CTDSPL2: variants seen among roughly 807,000 people sequenced by gnomAD.
The protein encoded by CTDSPL2 is CTD small phosphatase-like protein 2.
In CTDSPL2, 5 loss-of-function variants were observed where a neutral mutation model predicts 60.0. The ratio of observed to expected loss-of-function variants is 0.08; its 90% CI spans 0.04 to 0.18. The LOEUF (loss-of-function observed/expected upper bound fraction) is 0.18. CTDSPL2 is among the 10% of genes least tolerant of loss of function. CTDSPL2 has a pLI of 1.00. For missense variants in CTDSPL2, 370 were observed against 548.8 expected (o/e 0.67, Z 3.26); for synonymous variants, 186 against 189.3 (o/e 0.98, Z 0.14).
chr15:44,517,312 C>T (rs1410019207), intron 10 of CTDSPL2: 1 of 150,076 alleles, frequency 6.7e-6, no homozygotes, highest in Non-Finnish European at 1.5e-5. Flanking sequence ...AGTTCAAGAC[C>T]AGCCTGGCCA....
intron 2 of CTDSPL2, among the ~76,000 whole-genome samples, chr15:44,461,178 T>G (rs919915092): frequency 2.0e-5 from 3 of 152,208 alleles, no homozygotes; most frequent in African/African-American, 7.2e-5. Flanking sequence ...GATAGGTTTT[T>G]GTTATGTCTT....
intron 2 of CTDSPL2, among the ~76,000 whole-genome samples, chr15:44,479,407 C>CTTTTTTTTTTTTT (rs11414036): frequency 5.1e-5 from 5 of 97,892 alleles, no homozygotes; most frequent in South Asian, 3.6e-4. Context: ...ATTTTCTTTC[C>CTTTTTTTTTTTTT]TTTTTTTTTT....
At chr15:44,488,523 A>G (rs1342110526) in intron 4 of CTDSPL2, among the ~76,000 whole-genome samples, 2 of 152,192 alleles carry the variant, frequency 1.3e-5, no homozygotes, top group Non-Finnish European at 1.5e-5. Flanking sequence ...TTAAATAAAA[A>G]TATTCAGGCT....
At chr15:44,473,746 T>C (rs1314747639) in intron 2 of CTDSPL2, among the ~76,000 whole-genome samples, 1 of 152,244 alleles carries the variant, frequency 6.6e-6, no homozygotes, top group East Asian at 1.9e-4. Flanking sequence ...GAAGACACTT[T>C]TTAACTTTTG....
intron 1 of CTDSPL2, among the ~76,000 whole-genome samples, chr15:44,456,871 TTTTTTTG>T (rs2080456394): frequency 2.0e-5 from 3 of 148,194 alleles, no homozygotes; most frequent in Admixed American, 6.6e-5. Context: ...TTTTTCTTTT[TTTTTTTG>T]TTTTTTTTTC....
intron 8 of CTDSPL2, among the ~76,000 whole-genome samples, chr15:44,501,316 A>C (rs2081378119): frequency 6.6e-6 from 1 of 152,120 alleles, no homozygotes; most frequent in Non-Finnish European, 1.5e-5. Flanking sequence ...TTTGAAATTG[A>C]AATTTATTTC....
At chr15:44,451,825 TA>T (rs1387124573) in intron 1 of CTDSPL2, among the ~76,000 whole-genome samples, 1 of 152,202 alleles carries the variant, frequency 6.6e-6, no homozygotes, top group Non-Finnish European at 1.5e-5. Context: ...TTTTTCTTTT[TA>T]AATATTTTTG....
intron 1 of CTDSPL2, among the ~76,000 whole-genome samples, chr15:44,444,609 G>A (rs1267450704): frequency 4.0e-5 from 6 of 151,864 alleles, no homozygotes; most frequent in Admixed American, 3.3e-4. Context: ...GCCTCCCAAA[G>A]TACTGAGATT....
intron 8 of CTDSPL2, among the ~76,000 whole-genome samples, chr15:44,505,433 G>A (rs1448409634): frequency 1.3e-5 from 2 of 150,998 alleles, no homozygotes; most frequent in African/African-American, 4.9e-5. Flanking sequence ...AGAAAAAAAA[G>A]AAGGAGAAAA....
At chr15:44,457,916 T>C (rs2140691526) in intron 1 of CTDSPL2, among the ~76,000 whole-genome samples, 1 of 152,338 alleles carries the variant, frequency 6.6e-6, no homozygotes, top group African/African-American at 2.4e-5. Flanking sequence ...GCCCAGCCTG[T>C]AGTTTCTATT....
At chr15:44,465,489 T>C (rs552934560) in intron 2 of CTDSPL2, among the ~76,000 whole-genome samples, 79 of 152,152 alleles carry the variant, frequency 5.2e-4, no homozygotes, top group Non-Finnish European at 1.1e-3. Context: ...GCTAATACTT[T>C]CATGTGAAAC....
chr15:44,429,442 T>C (rs2141243958), intron 1 of CTDSPL2, among the ~76,000 whole-genome samples: 1 of 152,324 alleles, frequency 6.6e-6, no homozygotes, highest in Admixed American at 6.5e-5. Context: ...AGCGTTAATG[T>C]TTTTAATAAA....
At chr15:44,440,192 T>C (rs1272371346) in intron 1 of CTDSPL2, among the ~76,000 whole-genome samples, 1 of 148,748 alleles carries the variant, frequency 6.7e-6, no homozygotes, top group Non-Finnish European at 1.5e-5. Context: ...TGTTTGTTTG[T>C]TTTTGTGTTT....
At chr15:44,514,104 G>A (rs768424090) in intron 8 of CTDSPL2, among the ~76,000 whole-genome samples, 3 of 152,158 alleles carry the variant, frequency 2.0e-5, no homozygotes, top group South Asian at 2.1e-4. Flanking sequence ...CAATCCAGAC[G>A]TCTCCTTTTG....
intron 1 of CTDSPL2, among the ~76,000 whole-genome samples, chr15:44,428,736 CTG>C (rs1396999079): frequency 5.3e-5 from 8 of 152,202 alleles, no homozygotes; most frequent in Non-Finnish European, 8.8e-5. Flanking sequence ...ATGGATTTAT[CTG>C]TGTAATTTTC....
rs150524105 is a variant in CTDSPL2 at position 44,445,046 on chromosome 15, G to A, written c.-24-13945G>A. Among the ~76,000 whole-genome samples the A allele has an allele frequency of 3.0e-3, 459 of 151,404 alleles. 1 individual carries two copies. The highest frequency in any genetic ancestry group is 0.011 in the African/African-American group (449 of 41,264). On this transcript the variant is annotated intron_variant, in intron 1 of 12. Coordinates refer to ENST00000260327, the MANE Select transcript of CTDSPL2 (RefSeq NM_016396.3). ...TTAGTAGAGACGACAGGGTTTCACC[G>A]TGTTAGCTAGGATGGTCTCGATCTC... is the stretch of plus-strand genomic sequence containing the variant.
chr15:44,434,798 A>G (rs893126916), intron 1 of CTDSPL2, among the ~76,000 whole-genome samples: 4 of 152,162 alleles, frequency 2.6e-5, no homozygotes, highest in Non-Finnish European at 5.9e-5. Flanking sequence ...TATTTTTTGT[A>G]TAGTTCTGTA....
At chr15:44,435,414 A>G (rs568918753) in intron 1 of CTDSPL2, among the ~76,000 whole-genome samples, 9 of 152,006 alleles carry the variant, frequency 5.9e-5, no homozygotes, top group Admixed American at 3.3e-4. Flanking sequence ...TACCAAAAAT[A>G]CAAAAATTAG....
In CTDSPL2 at chr15:44,462,700, CTTT is replaced by C. The variant is rs554319789; in HGVS notation, c.186+3522_186+3524del. Among the ~76,000 whole-genome samples, 6 of 83,744 alleles carry C rather than the reference CTTT, an allele frequency of 7.2e-5. 1 individual carries two copies. Among genetic ancestry groups the C allele is most frequent in the Admixed American group, 4.0e-4 (3 of 7,436 alleles). 54.9% of individuals were successfully genotyped at this position (83,744 alleles called of 152,430 possible). ...GACTCTTGAACTAGAACACTCAGGA[CTTT>C]TTTTTTTTTTTTTTTTTTTTTGAGA... is the stretch of plus-strand genomic sequence containing the variant. On this transcript the variant is annotated intron_variant, in intron 2 of 12. Coordinates refer to ENST00000260327, the MANE Select transcript of CTDSPL2 (RefSeq NM_016396.3).
Sources: gnomAD v4.1 joint callset for allele counts (sites outside exome capture counted in the v4.1 genomes callset) on GRCh38, gnomAD v4.1.1 for gene constraint, MANE v1.5 for transcripts, NCBI Gene and HGNC (gene_info 2026-07-23, HGNC 2026-07-21) for gene names.